The following ABCG2 variants were observed in gnomAD, a reference collection of about 807,000 sequenced individuals.
ABCG2 encodes the protein ATP binding cassette subfamily G member 2 (JR blood group), also known as broad substrate specificity ATP-binding cassette transporter ABCG2.
Under a neutral mutation model 73.5 loss-of-function variants are expected in ABCG2, and 80 were observed. The observed-to-expected ratio is 1.09, with a 90% CI of 0.91 to 1.31. The LOEUF is 1.31. Ranked by LOEUF, ABCG2 falls within the 50% of genes most tolerant of loss-of-function variation. The probability of loss-of-function intolerance (pLI) is 0.00; values close to 1 mark genes in which losing one functional copy is unlikely to be tolerated. For synonymous variants in ABCG2, 269 were observed against 282.4 expected (o/e 0.95, Z 0.48); for missense variants, 796 against 786.2 (o/e 1.01, Z -0.15).
chr4:88,154,060 GA>G (rs1216208625), intron 1 of ABCG2, among the ~76,000 whole-genome samples: 5 of 152,190 alleles, frequency 3.3e-5, no homozygotes, highest in African/African-American at 1.2e-4. Flanking sequence ...CTTGGTCTAA[GA>G]ACCATTTGCT....
rs766790636 is a variant in ABCG2 at position 88,118,216 on chromosome 4, G to C, written c.734C>G (p.Pro245Arg). ...GRTIIFSIHQ[P>R]RYSIFKLFDS... ...AAACAACTTGAAGATGGAATATCGA[G>C]GCTGATGAATGGAGAAGATGATTGT... Residue 245 changes from proline (P) to arginine (R), a missense_variant, in exon 7 of 16, where the codon CCT (proline) becomes CGT (arginine). Physicochemically the swap from Pro to Arg is moderately radical, Grantham distance 103. Transcript: ENST00000237612. 1.9e-6 allele frequency: 3 copies of C among 1,614,038 alleles called. No homozygotes were observed. The Admixed American group carries it at 5.0e-5, about 27-fold the overall frequency.
chr4:88,160,190 C>G (rs1299592109), upstream of ABCG2, among the ~76,000 whole-genome samples: 1 of 151,142 alleles, frequency 6.6e-6, no homozygotes, highest in Non-Finnish European at 1.5e-5. Flanking sequence ...GCAAATGACC[C>G]GAGATCCCAC....
chr4:88,163,761 T>C, upstream of ABCG2: 1 of 408,620 alleles, frequency 2.4e-6, no homozygotes, highest in Admixed American at 2.6e-5. Flanking sequence ...GAACTCCAGA[T>C]GTGTGTGTTA....
intron 1 of ABCG2, among the ~76,000 whole-genome samples, chr4:88,211,705 C>G (rs898783698): frequency 1.3e-5 from 2 of 152,214 alleles, no homozygotes; most frequent in Non-Finnish European, 2.9e-5. Context: ...GCGTGAGCCA[C>G]TGTGCCCGGC....
chr4:88,157,360 G>A (rs547693351), intron 1 of ABCG2, among the ~76,000 whole-genome samples: 1 of 152,306 alleles, frequency 6.6e-6, no homozygotes, highest in African/African-American at 2.4e-5. Flanking sequence ...TAAATGCAAA[G>A]TGAGATCATC....
At chr4:88,125,401 G>A (rs1385264279) in intron 5 of ABCG2, among the ~76,000 whole-genome samples, 8 of 151,716 alleles carry the variant, frequency 5.3e-5, no homozygotes, top group Admixed American at 4.6e-4. Context: ...GAGGTCAGGA[G>A]ATCAAGACCA....
At chr4:88,111,883 G>T (rs371515140) in intron 9 of ABCG2, among the ~76,000 whole-genome samples, 38 of 152,018 alleles carry the variant, frequency 2.5e-4, no homozygotes, top group African/African-American at 9.2e-4. Flanking sequence ...TTGAGCCCAG[G>T]AGATCCAGAC....
intron 1 of ABCG2, among the ~76,000 whole-genome samples, chr4:88,227,839 T>C (rs1730285602): frequency 6.6e-6 from 1 of 152,206 alleles, no homozygotes. Flanking sequence ...AACAAACCTT[T>C]GTACAGACCA....
At chr4:88,123,208 T>A (rs1312222659) in intron 5 of ABCG2, among the ~76,000 whole-genome samples, 1 of 152,078 alleles carries the variant, frequency 6.6e-6, no homozygotes, top group African/African-American at 2.4e-5. Flanking sequence ...TAGATAAATC[T>A]ATGAAGATGA....
intron 1 of ABCG2, among the ~76,000 whole-genome samples, chr4:88,196,130 G>C (rs931115544): frequency 7.2e-5 from 11 of 152,094 alleles, no homozygotes; most frequent in African/African-American, 2.7e-4. Context: ...TCCTGGGTTG[G>C]GGGTCGGGGA....
intron 1 of ABCG2, among the ~76,000 whole-genome samples, chr4:88,200,159 T>C (rs1415180157): frequency 1.3e-5 from 2 of 151,882 alleles, no homozygotes; most frequent in East Asian, 3.9e-4. Context: ...ACCCCATCTC[T>C]ACTAAAAATA....
In ABCG2 at chr4:88,152,966, A is replaced by C. The variant is rs565974346; in HGVS notation, c.-20+5420T>G. On this transcript the variant is annotated intron_variant, in intron 1 of 15. Coordinates refer to ENST00000237612, the MANE Select transcript of ABCG2 (RefSeq NM_004827.3). ...GAAGAAACAATTGTCCTATATAAGT[A>C]TTGGTGATGGCCTGGATACAATTTT... Among the ~76,000 whole-genome samples, 17 of 152,222 alleles carry C rather than the reference A, an allele frequency of 1.1e-4. No individual in the cohort carries two copies. The East Asian group carries it at 3.1e-3, about 28-fold the overall frequency.
intron 1 of ABCG2, among the ~76,000 whole-genome samples, chr4:88,180,144 C>T (rs140494066): frequency 3.9e-4 from 60 of 152,216 alleles, no homozygotes; most frequent in African/African-American, 1.3e-3. Context: ...AATAATCAAA[C>T]TTCCAAAGAT....
At chr4:88,154,882 C>G (rs947951013) in intron 1 of ABCG2, among the ~76,000 whole-genome samples, 8 of 152,154 alleles carry the variant, frequency 5.3e-5, no homozygotes, top group Non-Finnish European at 1.0e-4. Flanking sequence ...TTTTGAGGGC[C>G]TCTAAAAGTA....
chr4:88,099,467 T>C lies in ABCG2; in HGVS notation c.1368-19A>G, dbSNP rs148389769. On this transcript the variant is annotated intron_variant, in intron 11 of 15. Coordinates refer to ENST00000237612, the MANE Select transcript of ABCG2 (RefSeq NM_004827.3). ...TTCATGTCTATAGAACAAAAATACG[T>C]ATCATACATCCAAGATTAGTTTAAG... 605 of 1,586,082 alleles carry C rather than the reference T, an allele frequency of 3.8e-4. No individual in the cohort carries two copies. Among genetic ancestry groups the C allele is most frequent in the Middle Eastern group, 3.4e-3 (19 of 5,594 alleles).
chr4:88,100,269 G>A (rs971521821), intron 11 of ABCG2, among the ~76,000 whole-genome samples: 4 of 151,962 alleles, frequency 2.6e-5, no homozygotes, highest in African/African-American at 7.3e-5. Flanking sequence ...GGCGGCCAAA[G>A]GGGGTGGATC....
intron 1 of ABCG2, among the ~76,000 whole-genome samples, chr4:88,169,963 T>C (rs1727690376): frequency 6.6e-6 from 1 of 151,802 alleles, no homozygotes. Flanking sequence ...ATACAAAAAT[T>C]AGCCAGGCAT....
At chr4:88,153,808 C>T (rs1485608872) in intron 1 of ABCG2, among the ~76,000 whole-genome samples, 2 of 152,096 alleles carry the variant, frequency 1.3e-5, no homozygotes, top group Non-Finnish European at 2.9e-5. Context: ...GCTAATTTGC[C>T]AGTCCTGGGC....
chr4:88,230,231 G>A (rs551840676), intron 1 of ABCG2, among the ~76,000 whole-genome samples: 2 of 145,466 alleles, frequency 1.4e-5, no homozygotes, highest in East Asian at 4.1e-4. Context: ...GACCTCAGAT[G>A]ATCCACTTGC....
Sources: gnomAD v4.1 joint callset for allele counts (sites outside exome capture counted in the v4.1 genomes callset) on GRCh38, gnomAD v4.1.1 for gene constraint, MANE v1.5 for transcripts, NCBI Gene and HGNC (gene_info 2026-07-23, HGNC 2026-07-21) for gene names.